GALNTL6: variants seen among roughly 807,000 people sequenced by gnomAD.
GALNTL6 encodes the protein polypeptide N-acetylgalactosaminyltransferase-like 6.
A neutral mutation model predicts 73.7 loss-of-function variants in GALNTL6; 46 were observed. That is an observed-to-expected ratio of 0.62 (90% confidence interval 0.49 to 0.80). GALNTL6 has a LOEUF of 0.80. GALNTL6 is among the 30% of genes least tolerant of loss of function. GALNTL6 has a pLI of 0.00. For missense variants in GALNTL6, 604 were observed against 755.0 expected, an observed-to-expected ratio of 0.80 and a Z score of 2.34; for synonymous variants, 259 against 263.7, an observed-to-expected ratio of 0.98 and a Z score of 0.17.
chr4:173,008,587 C>A (rs1752398493), intron 10 of GALNTL6, among the ~76,000 whole-genome samples: 1 of 152,134 alleles, frequency 6.6e-6, no homozygotes, highest in South Asian at 2.1e-4. Flanking sequence ...CGGGAGGAAA[C>A]CTCAAATCTG....
At chr4:172,911,275 G>C (rs1278573691) in intron 8 of GALNTL6, among the ~76,000 whole-genome samples, 2 of 152,134 alleles carry the variant, frequency 1.3e-5, no homozygotes, top group African/African-American at 4.8e-5. Context: ...TGTACACATG[G>C]TTTTGTTAGA....
intron 5 of GALNTL6, among the ~76,000 whole-genome samples, chr4:172,466,441 T>C (rs904933565): frequency 6.6e-6 from 1 of 152,184 alleles, no homozygotes; most frequent in African/African-American, 2.4e-5. Context: ...ATTTTCTTAG[T>C]CTTGTATCTC....
intron 2 of GALNTL6, among the ~76,000 whole-genome samples, chr4:172,051,900 T>C (rs1730883786): frequency 6.6e-6 from 1 of 152,134 alleles, no homozygotes; most frequent in Admixed American, 6.5e-5. Context: ...ATAAAGGCTT[T>C]GGGCCAAAGG....
intron 2 of GALNTL6, among the ~76,000 whole-genome samples, chr4:172,027,840 G>A (rs1204531165): frequency 1.3e-5 from 2 of 152,134 alleles, no homozygotes; most frequent in African/African-American, 4.8e-5. Flanking sequence ...TATGAAGAAA[G>A]TTTTAATGGT....
intron 5 of GALNTL6, among the ~76,000 whole-genome samples, chr4:172,708,064 C>T (rs1161605831): frequency 6.6e-6 from 1 of 152,088 alleles, no homozygotes; most frequent in African/African-American, 2.4e-5. Flanking sequence ...ACCATAAAAA[C>T]AAAACTTTTT....
chr4:172,611,517 G>A (rs982643117), intron 5 of GALNTL6, among the ~76,000 whole-genome samples: 4 of 152,016 alleles, frequency 2.6e-5, no homozygotes, highest in African/African-American at 9.7e-5. Context: ...CTTCTGGCTT[G>A]TAGGGTTCTG....
intron 10 of GALNTL6, among the ~76,000 whole-genome samples, chr4:173,007,938 T>A (rs988257650): frequency 6.6e-6 from 1 of 152,246 alleles, no homozygotes; most frequent in Non-Finnish European, 1.5e-5. Context: ...ATATCAGTGC[T>A]AACATAATTG....
At position 172,754,812 on chromosome 4, in the gene GALNTL6, A is replaced by T. The variant is rs139750810; in HGVS notation, c.554-54549A>T. ...AATTATGGATTCCATAGTAGCATCC[A>T]CAACAAAAACTCAAGGAACCTCACT... On this transcript the variant is annotated intron_variant, in intron 5 of 12. Coordinates refer to ENST00000506823, the MANE Select transcript of GALNTL6 (RefSeq NM_001034845.3). 2.9e-3 allele frequency among the ~76,000 whole-genome samples: 433 copies of T among 150,988 alleles called. 7 individuals are homozygous for T. Among genetic ancestry groups the T allele is most frequent in the East Asian group, 8.0e-3 (41 of 5,104 alleles).
intron 5 of GALNTL6, among the ~76,000 whole-genome samples, chr4:172,413,611 ACTCT>A (rs1744520399): frequency 6.6e-6 from 1 of 151,404 alleles, no homozygotes; most frequent in Non-Finnish European, 1.5e-5. Flanking sequence ...TGTGCTAGTA[ACTCT>A]ACTTGACATT....
intron 2 of GALNTL6, among the ~76,000 whole-genome samples, chr4:172,186,359 G>T (rs1016359817): frequency 6.6e-6 from 1 of 152,110 alleles, no homozygotes; most frequent in South Asian, 2.1e-4. Context: ...GTAGAGAAAA[G>T]TTTAGCAGTT....
chr4:172,087,073 G>T (rs1461966408), intron 2 of GALNTL6, among the ~76,000 whole-genome samples: 1 of 152,120 alleles, frequency 6.6e-6, no homozygotes, highest in African/African-American at 2.4e-5. Flanking sequence ...CATTGAAGTT[G>T]TCAGTTGTAA....
intron 4 of GALNTL6, among the ~76,000 whole-genome samples, chr4:172,321,006 C>A (rs1740739478): frequency 6.6e-6 from 1 of 152,104 alleles, no homozygotes; most frequent in South Asian, 2.1e-4. Context: ...GAGGACAGTA[C>A]AATAAAATAT....
chr4:172,646,466 A>T (rs1276328056), intron 5 of GALNTL6, among the ~76,000 whole-genome samples: 2 of 152,044 alleles, frequency 1.3e-5, no homozygotes, highest in Non-Finnish European at 2.9e-5. Context: ...AATATTGTGA[A>T]TGTTGTTTTT....
chr4:172,302,563 GGC>G (rs1419998652), intron 3 of GALNTL6, among the ~76,000 whole-genome samples: 1 of 152,166 alleles, frequency 6.6e-6, no homozygotes, highest in Non-Finnish European at 1.5e-5. Flanking sequence ...CCTCATGAGA[GGC>G]ATAAATCTGT....
At chr4:172,050,773 G>T (rs1730835354) in intron 2 of GALNTL6, among the ~76,000 whole-genome samples, 1 of 152,126 alleles carries the variant, frequency 6.6e-6, no homozygotes, top group East Asian at 1.9e-4. Flanking sequence ...AGAAACTCAA[G>T]ATTTTTCTTT....
chr4:172,758,831 A>G (rs1284519305), intron 5 of GALNTL6, among the ~76,000 whole-genome samples: 2 of 152,194 alleles, frequency 1.3e-5, no homozygotes, highest in Non-Finnish European at 2.9e-5. Flanking sequence ...GAGTTATCAG[A>G]TCATAGTATA....
chr4:171,864,893 A>G (rs1188255256), intron 2 of GALNTL6, among the ~76,000 whole-genome samples: 1 of 152,172 alleles, frequency 6.6e-6, no homozygotes, highest in Non-Finnish European at 1.5e-5. Flanking sequence ...AAGAGCCATA[A>G]GAGAAAAGAT....
chr4:172,768,497 G>C (rs1327162502), intron 5 of GALNTL6, among the ~76,000 whole-genome samples: 1 of 152,152 alleles, frequency 6.6e-6, no homozygotes, highest in Non-Finnish European at 1.5e-5. Flanking sequence ...AAAATGAAAA[G>C]TACACACTCA....
chr4:172,495,598 C>T (rs991827470), intron 5 of GALNTL6, among the ~76,000 whole-genome samples: 1 of 152,100 alleles, frequency 6.6e-6, no homozygotes, highest in African/African-American at 2.4e-5. Context: ...ATATACTATA[C>T]GGTTCTGCTG....
Sources: gnomAD v4.1 joint callset for allele counts (sites outside exome capture counted in the v4.1 genomes callset) on GRCh38, gnomAD v4.1.1 for gene constraint, MANE v1.5 for transcripts, NCBI Gene and HGNC (gene_info 2026-07-23, HGNC 2026-07-21) for gene names.